NPY2R: variants seen among roughly 807,000 people sequenced by gnomAD.
The protein encoded by NPY2R is neuropeptide Y receptor Y2.
Under a neutral mutation model 22.3 loss-of-function variants are expected in NPY2R, and 17 were observed. The ratio of observed to expected loss-of-function variants is 0.76; its 90% CI spans 0.52 to 1.14. The LOEUF (loss-of-function observed/expected upper bound fraction) is 1.14, where lower values mean the gene tolerates loss of function less well. NPY2R is among the 50% of genes most tolerant of loss of function. NPY2R has a pLI of 0.00. For missense variants in NPY2R, 424 were observed against 467.9 expected (o/e 0.91, Z 0.87); for synonymous variants, 209 against 183.4 (o/e 1.14, Z -1.13).
chr4:155,189,198 G>A, the NPY2R span, among the ~76,000 whole-genome samples: 4 of 152,070 alleles, frequency 2.6e-5, no homozygotes, highest in African/African-American at 7.2e-5. Flanking sequence ...ACCTCTCAAT[G>A]ACTGTACATT....
At chr4:155,186,083 G>A in the NPY2R span, among the ~76,000 whole-genome samples, 2 of 152,116 alleles carry the variant, frequency 1.3e-5, no homozygotes, top group Non-Finnish European at 2.9e-5. Flanking sequence ...TTATGATCAA[G>A]CTGTCAGTGT....
the NPY2R span, among the ~76,000 whole-genome samples, chr4:155,174,484 ATTTTTTT>A: frequency 2.4e-4 from 25 of 106,072 alleles, no homozygotes; most frequent in South Asian, 9.5e-4. Context: ...ATATATATAT[ATTTTTTT>A]TTTTAAATCT....
the NPY2R span, among the ~76,000 whole-genome samples, chr4:155,197,859 A>G: frequency 2.0e-5 from 3 of 151,984 alleles, no homozygotes; most frequent in African/African-American, 7.2e-5. Context: ...ATATAAATTG[A>G]AAAAATTGTA....
chr4:155,204,182 C>T (rs1385047685), upstream of NPY2R, among the ~76,000 whole-genome samples: 1 of 150,892 alleles, frequency 6.6e-6, no homozygotes, highest in South Asian at 2.1e-4. Flanking sequence ...TCTCAGGGAC[C>T]GCTGATATTA....
At chr4:155,197,823 T>C in the NPY2R span, among the ~76,000 whole-genome samples, 222 of 152,086 alleles carry the variant, frequency 1.5e-3, no homozygotes, top group African/African-American at 4.4e-3. Flanking sequence ...TCTTATCAAG[T>C]AGATAGGTCC....
Position 155,214,670 on chromosome 4 carries a change from G to A in NPY2R, c.731G>A (p.Ser244Asn). 1.2e-6 allele frequency: 2 copies of A among 1,614,260 alleles called. No homozygotes were observed. The highest frequency in any genetic ancestry group is 8.5e-7 in the Non-Finnish European group (1 of 1,180,044). The part of the protein sequence containing the change: ...IISFSYTRIW[S>N]KLKNHVSPGA... ...TCATTTTCCTACACTCGCATTTGGAGTAAATTGAAGAACCATGTCAGTCCT... is the reference window on the plus strand; with the variant it reads ...TCATTTTCCTACACTCGCATTTGGAATAAATTGAAGAACCATGTCAGTCCT... Residue 244 changes from serine to asparagine, a missense_variant, in exon 2 of 2, where the codon AGT (serine) becomes AAT (asparagine). Ser to Asn is a conservative substitution (Grantham distance 46). Coordinates refer to ENST00000329476, the MANE Select transcript of NPY2R (RefSeq NM_000910.4).
At chr4:155,199,268 C>T in the NPY2R span, among the ~76,000 whole-genome samples, 1 of 151,728 alleles carries the variant, frequency 6.6e-6, no homozygotes, top group African/African-American at 2.4e-5. Context: ...AAACAAACAA[C>T]ATCTAAAATA....
the NPY2R span, among the ~76,000 whole-genome samples, chr4:155,194,027 C>T: frequency 6.6e-6 from 1 of 151,870 alleles, no homozygotes; most frequent in Non-Finnish European, 1.5e-5. Flanking sequence ...GAAATTTAAC[C>T]TGCTTAGCAT....
chr4:155,196,838 C>T, the NPY2R span, among the ~76,000 whole-genome samples: 1 of 151,680 alleles, frequency 6.6e-6, no homozygotes, highest in Admixed American at 6.6e-5. Flanking sequence ...CTAATGTGGG[C>T]CTTCAGTTCA....
rs1578902505 is a variant in NPY2R at position 155,215,248 on chromosome 4, G to C, written c.*163G>C. Reference sequence around the variant, plus strand: ...CTGGAAAACTGGCTGGGCAGAGCCTGTGTGAAAATACTGGAATTCAAAGAT... The same window carrying C: ...CTGGAAAACTGGCTGGGCAGAGCCTCTGTGAAAATACTGGAATTCAAAGAT... On this transcript the variant is annotated 3_prime_UTR_variant, in exon 2 of 2. Transcript: ENST00000329476. 2 of 744,812 alleles carry C rather than the reference G, an allele frequency of 2.7e-6. No individual in the cohort carries two copies. The highest frequency in any genetic ancestry group is 5.4e-5 in the East Asian group (2 of 37,204). The allele number at this position is 744,812 out of a possible 1,614,324, so 46.1% of individuals were successfully genotyped here. A position where few individuals can be genotyped will look rare whatever the true frequency, so the allele number is the denominator to read the frequency against.
chr4:155,194,449 T>C, the NPY2R span, among the ~76,000 whole-genome samples: 1 of 151,916 alleles, frequency 6.6e-6, no homozygotes, highest in Non-Finnish European at 1.5e-5. Context: ...CTACTTTGTG[T>C]CCATGTGTAC....
At chr4:155,196,868 T>C in the NPY2R span, among the ~76,000 whole-genome samples, 2 of 151,920 alleles carry the variant, frequency 1.3e-5, no homozygotes, top group African/African-American at 4.8e-5. Flanking sequence ...ATCTAGGCTA[T>C]AGAGTTTGAG....
chr4:155,204,945 C>T (rs542060364), upstream of NPY2R, among the ~76,000 whole-genome samples: 18 of 152,072 alleles, frequency 1.2e-4, no homozygotes, highest in South Asian at 1.9e-3. Flanking sequence ...GTCTGGCAGT[C>T]GGCCCTGCAG....
the NPY2R span, among the ~76,000 whole-genome samples, chr4:155,184,958 T>A: frequency 6.8e-6 from 1 of 148,082 alleles, no homozygotes; most frequent in African/African-American, 2.5e-5. Context: ...ATATATATAT[T>A]ATATATATTT....
the NPY2R span, among the ~76,000 whole-genome samples, chr4:155,182,863 G>A: frequency 6.6e-6 from 1 of 151,986 alleles, no homozygotes; most frequent in African/African-American, 2.4e-5. Flanking sequence ...CGCGATCTTG[G>A]CTCACTGCAA....
the NPY2R span, among the ~76,000 whole-genome samples, chr4:155,179,078 G>T: frequency 6.6e-6 from 1 of 151,842 alleles, no homozygotes; most frequent in African/African-American, 2.4e-5. Flanking sequence ...TTTTAGTACT[G>T]TATTTTTCAT....
At chr4:155,202,180 T>C in the NPY2R span, among the ~76,000 whole-genome samples, 1 of 152,216 alleles carries the variant, frequency 6.6e-6, no homozygotes, top group Non-Finnish European at 1.5e-5. Context: ...GGTATCCCAA[T>C]GCTGGCTAAA....
intron 1 of NPY2R, among the ~76,000 whole-genome samples, chr4:155,209,284 A>G (rs1297189645): frequency 1.3e-5 from 2 of 152,010 alleles, no homozygotes; most frequent in Non-Finnish European, 2.9e-5. Flanking sequence ...ATTATTTACT[A>G]TTTCCTTGAC....
chr4:155,210,318 C>T (rs990187983), intron 1 of NPY2R, among the ~76,000 whole-genome samples: 16 of 152,168 alleles, frequency 1.1e-4, no homozygotes, highest in Non-Finnish European at 2.9e-5. Flanking sequence ...GATCAACAAC[C>T]ATTCCTACAG....
Sources: gnomAD v4.1 joint callset for allele counts (sites outside exome capture counted in the v4.1 genomes callset) on GRCh38, gnomAD v4.1.1 for gene constraint, MANE v1.5 for transcripts, NCBI Gene and HGNC (gene_info 2026-07-23, HGNC 2026-07-21) for gene names.